AMOTL1: variants seen among roughly 807,000 people sequenced by gnomAD.
AMOTL1 encodes angiomotin-like protein 1.
In AMOTL1, 45 loss-of-function variants were observed where a neutral mutation model predicts 102.9. The observed-to-expected ratio is 0.44, with a 90% CI of 0.34 to 0.56. The LOEUF is 0.56. Ranked by LOEUF, AMOTL1 falls within the 20% of genes least tolerant of loss-of-function variation. The pLI, the probability that AMOTL1 is intolerant of heterozygous loss-of-function variation, is 0.01. For missense variants in AMOTL1, 1,114 were observed against 1,225.6 expected (o/e 0.91, Z 1.36); for synonymous variants, 481 against 484.7 (o/e 0.99, Z 0.10).
At chr11:94,712,393 A>T (rs1950033937) in intron 1 of AMOTL1, among the ~76,000 whole-genome samples, 1 of 152,082 alleles carries the variant, frequency 6.6e-6, no homozygotes, top group Non-Finnish European at 1.5e-5. Flanking sequence ...AACTATAAAA[A>T]TCCTACAAGA....
intron 1 of AMOTL1, among the ~76,000 whole-genome samples, chr11:94,727,552 T>C (rs1009530956): frequency 6.6e-6 from 1 of 152,146 alleles, no homozygotes; most frequent in Non-Finnish European, 1.5e-5. Context: ...AGCCTTTGTA[T>C]ACAAAAGCAT....
intron 8 of AMOTL1, among the ~76,000 whole-genome samples, chr11:94,858,338 C>T (rs533495947): frequency 6.6e-6 from 1 of 152,200 alleles, no homozygotes; most frequent in East Asian, 1.9e-4. Flanking sequence ...GATAACACTT[C>T]CTAGAATAAT....
At chr11:94,787,573 A>C (rs537168474) in intron 1 of AMOTL1, among the ~76,000 whole-genome samples, 7 of 151,612 alleles carry the variant, frequency 4.6e-5, no homozygotes, top group African/African-American at 1.5e-4. Context: ...CTGTAGTCCC[A>C]GCTACACGGG....
intron 7 of AMOTL1, among the ~76,000 whole-genome samples, chr11:94,850,516 C>T (rs768621525): frequency 6.6e-6 from 1 of 152,250 alleles, no homozygotes; most frequent in East Asian, 1.9e-4. Flanking sequence ...CAGCCTACAG[C>T]CCATCGGTTG....
chr11:94,773,427 T>C (rs1219622116), intron 1 of AMOTL1, among the ~76,000 whole-genome samples: 2 of 152,236 alleles, frequency 1.3e-5, no homozygotes, highest in African/African-American at 4.8e-5. Context: ...TTATAAACCA[T>C]CTATTAGGTC....
chr11:94,725,976 C>T (rs1274416732), intron 1 of AMOTL1, among the ~76,000 whole-genome samples: 1 of 152,150 alleles, frequency 6.6e-6, no homozygotes, highest in Non-Finnish European at 1.5e-5. Context: ...CAGGGACTCA[C>T]TGAAGTTGTC....
chr11:94,806,524 A>G (rs992958235), intron 3 of AMOTL1, among the ~76,000 whole-genome samples: 1 of 152,236 alleles, frequency 6.6e-6, no homozygotes, highest in Non-Finnish European at 1.5e-5. Flanking sequence ...AACGAAAATG[A>G]GGCCATGGAG....
At chr11:94,769,925 A>G (rs991305622) in intron 1 of AMOTL1, among the ~76,000 whole-genome samples, 1 of 152,192 alleles carries the variant, frequency 6.6e-6, no homozygotes, top group African/African-American at 2.4e-5. Flanking sequence ...TCGGCTAACC[A>G]AAGCAGTAAC....
chr11:94,772,614 C>A (rs950185653), intron 1 of AMOTL1, among the ~76,000 whole-genome samples: 5 of 152,180 alleles, frequency 3.3e-5, no homozygotes, highest in African/African-American at 1.2e-4. Context: ...TTTGTTTAAC[C>A]ATTCACCTAT....
intron 7 of AMOTL1, among the ~76,000 whole-genome samples, chr11:94,853,352 A>G (rs1952587298): frequency 6.6e-6 from 1 of 151,202 alleles, no homozygotes. Context: ...CCCTGTGCCT[A>G]TATGTTCTCA....
At chr11:94,869,135 G>A (rs1952941584) in intron 11 of AMOTL1, 63 bp from the exon 12 acceptor site, 4 of 1,455,478 alleles carry the variant, frequency 2.7e-6, no homozygotes, top group African/African-American at 1.5e-5. Flanking sequence ...AGATCTGCAA[G>A]ACTAGATTTA....
intron 3 of AMOTL1, among the ~76,000 whole-genome samples, chr11:94,814,719 A>G (rs1040035011): frequency 6.6e-6 from 1 of 152,082 alleles, no homozygotes; most frequent in African/African-American, 2.4e-5. Flanking sequence ...TGTGACTATA[A>G]CTCCATGTTC....
At chr11:94,805,061 C>A (rs1429243587) in intron 3 of AMOTL1, among the ~76,000 whole-genome samples, 3 of 152,254 alleles carry the variant, frequency 2.0e-5, no homozygotes, top group Non-Finnish European at 4.4e-5. Context: ...CAGGTGCAGA[C>A]CTGGAATGCT....
chr11:94,712,324 C>T, intron 1 of AMOTL1, among the ~76,000 whole-genome samples: 1 of 152,016 alleles, frequency 6.6e-6, no homozygotes. Flanking sequence ...GGACCCCTGC[C>T]TTTTACCATA....
intron 1 of AMOTL1, among the ~76,000 whole-genome samples, chr11:94,779,175 A>G (rs1951071688): frequency 6.6e-6 from 1 of 152,210 alleles, no homozygotes; most frequent in African/African-American, 2.4e-5. Flanking sequence ...TGAAAAACGT[A>G]GCCCACAATA....
At chr11:94,728,378 T>C (rs1243969699) in intron 1 of AMOTL1, among the ~76,000 whole-genome samples, 2 of 152,210 alleles carry the variant, frequency 1.3e-5, no homozygotes, top group South Asian at 2.1e-4. Context: ...TTGGTCTCCA[T>C]GGTCCCTCTT....
chr11:94,850,194 C>T lies in AMOTL1; in HGVS notation c.1729C>T (p.His577Tyr), dbSNP rs1305617960. 1 of 1,594,614 alleles carries T rather than the reference C, an allele frequency of 6.3e-7. No individual in the cohort carries two copies. Among genetic ancestry groups the T allele is most frequent in the Non-Finnish European group, 8.5e-7 (1 of 1,170,330 alleles). Residue 577 changes from histidine to tyrosine, a missense_variant, in exon 7 of 13, where the codon CAC becomes TAC. His to Tyr is a moderately conservative substitution (Grantham distance 83). Transcript: ENST00000433060. ...VRTASEDHRR[H>Y]IEILDQALSN... Reference sequence around the variant, plus strand: ...GACTGCAAGTGAGGACCATCGGAGACACATCGAGATCCTGGACCAGGCTTT... The same window carrying T: ...GACTGCAAGTGAGGACCATCGGAGATACATCGAGATCCTGGACCAGGCTTT...
chr11:94,726,951 G>C (rs912509341), intron 1 of AMOTL1, among the ~76,000 whole-genome samples: 6 of 152,156 alleles, frequency 3.9e-5, no homozygotes, highest in African/African-American at 9.7e-5. Context: ...AACCAGCAGG[G>C]GTTGCAGGTT....
rs1408281278 is a variant in AMOTL1, at chr11:94,768,413, A to T, written c.-99A>T. ...TTGTCGGGTTTGGGGCTGGAGGTGA[A>T]GCCCTGTGTGAATGGGGTTGATTGT... On this transcript the variant is annotated 5_prime_UTR_variant, in exon 1 of 13. It adds an upstream start codon to the 5' untranslated region. Coordinates refer to ENST00000433060, the MANE Select transcript of AMOTL1 (RefSeq NM_130847.3). The T allele has an allele frequency of 4.6e-5, 70 of 1,531,464 alleles. 1 individual carries two copies. The highest frequency in any genetic ancestry group is 2.0e-5 in the Admixed American group (1 of 50,318). The allele number at this position is 1,531,464 out of a possible 1,614,324, so 94.9% of individuals were successfully genotyped here.
Sources: allele counts gnomAD v4.1 joint callset (sites outside exome capture counted in the v4.1 genomes callset), GRCh38; gene constraint gnomAD v4.1.1; transcripts MANE v1.5; gene names NCBI Gene and HGNC (gene_info 2026-07-23, HGNC 2026-07-21).